The following MMP26 variants were observed in gnomAD, a reference collection of about 807,000 sequenced individuals.
MMP26 encodes matrix metallopeptidase 26.
Under a neutral mutation model 31.0 loss-of-function variants are expected in MMP26, and 33 were observed. That is an observed-to-expected ratio of 1.06 (90% CI 0.81 to 1.42). The LOEUF is 1.42. Ranked by LOEUF, MMP26 falls within the 40% of genes most tolerant of loss-of-function variation. The pLI is 0.00. For synonymous variants in MMP26, 122 were observed against 114.9 expected, an observed-to-expected ratio of 1.06 and a Z score of -0.40; for missense variants, 347 against 316.1, an observed-to-expected ratio of 1.10 and a Z score of -0.74.
At chr11:4,912,427 G>A (rs1851005710) in intron 2 of MMP26, among the ~76,000 whole-genome samples, 1 of 152,152 alleles carries the variant, frequency 6.6e-6, no homozygotes, top group Non-Finnish European at 1.5e-5. Context: ...GCACATCACA[G>A]AGAGAATCCA....
chr11:4,961,507 C>T (rs1457998408), intron 2 of MMP26, among the ~76,000 whole-genome samples: 1 of 152,178 alleles, frequency 6.6e-6, no homozygotes, highest in Non-Finnish European at 1.5e-5. Flanking sequence ...CAAGTTGACA[C>T]CTAAAATTAA....
chr11:4,735,947 T>C (rs1156697853), intron 1 of MMP26, among the ~76,000 whole-genome samples: 1 of 152,178 alleles, frequency 6.6e-6, no homozygotes, highest in Non-Finnish European at 1.5e-5. Flanking sequence ...ATTTTCATAA[T>C]ATTAAGATAT....
chr11:4,956,610 A>T (rs1367590811), intron 2 of MMP26, among the ~76,000 whole-genome samples: 2 of 152,194 alleles, frequency 1.3e-5, no homozygotes, highest in African/African-American at 2.4e-5. Flanking sequence ...TTGATTCTGC[A>T]TTCAAGGAAG....
intron 2 of MMP26, among the ~76,000 whole-genome samples, chr11:4,838,195 G>A (rs759203327): frequency 4.1e-4 from 61 of 150,544 alleles, no homozygotes; most frequent in Non-Finnish European, 7.5e-4. Flanking sequence ...GTGGGTGCCC[G>A]TAGTCCCAGC....
rs114248062 is a variant in MMP26, at chr11:4,714,995, G to A, written c.-217+9950G>A. Among the ~76,000 whole-genome samples the A allele has an allele frequency of 1.2e-3, 176 of 151,528 alleles. 1 individual carries two copies. Among genetic ancestry groups the A allele is most frequent in the African/African-American group, 3.4e-3 (141 of 41,248 alleles). On this transcript the variant is annotated intron_variant, in intron 1 of 7. Coordinates refer to ENST00000380390, the MANE Select transcript of MMP26 (RefSeq NM_021801.5). The stretch of plus-strand genomic sequence containing the variant: ...GTGAGAACACTGGAGAGCTCTGTGC[G>A]ATTCTTCCAGAAGCCACATATATAA...
intron 2 of MMP26, among the ~76,000 whole-genome samples, chr11:4,933,291 C>T (rs528436318): frequency 6.6e-6 from 1 of 152,136 alleles, no homozygotes; most frequent in Non-Finnish European, 1.5e-5. Flanking sequence ...ATACTATGGG[C>T]TACTCGATGT....
chr11:4,806,768 CAA>C (rs1849276000), intron 2 of MMP26, among the ~76,000 whole-genome samples: 1 of 152,134 alleles, frequency 6.6e-6, no homozygotes, highest in Non-Finnish European at 1.5e-5. Context: ...TAGGTTTGCT[CAA>C]AACAAATACT....
chr11:4,835,398 C>A (rs1457562774), intron 2 of MMP26, among the ~76,000 whole-genome samples: 2 of 150,490 alleles, frequency 1.3e-5, no homozygotes, highest in East Asian at 1.9e-4. Context: ...ATACTTTCTC[C>A]CCTCTGTGTG....
At chr11:4,882,153 G>A in intron 2 of MMP26, 4 of 1,613,862 alleles carry the variant, frequency 2.5e-6, no homozygotes, top group Non-Finnish European at 3.4e-6. Flanking sequence ...ACTGTGCTTG[G>A]TGTTCTCTGG....
intron 2 of MMP26, chr11:4,821,607 C>CTATTTCCT (rs758884652): frequency 5.6e-5 from 90 of 1,613,814 alleles, no homozygotes; most frequent in Non-Finnish European, 4.7e-5. Flanking sequence ...AGCCTATGTA[C>CTATTTCCT]TATTTCCTCT....
intron 2 of MMP26, chr11:4,769,142 C>A: frequency 1.2e-6 from 2 of 1,612,490 alleles, no homozygotes; most frequent in Non-Finnish European, 1.7e-6. Flanking sequence ...CAAGGACAGG[C>A]TCAGCATGTG....
rs549541455 is a variant in MMP26, at chr11:4,915,426, G to A, written c.-144-72642G>A. ...CCCAGGACTGTAGGGAGAGTGCAAA[G>A]GGAGAGACCCAGGTCAATCAGAGCC... On this transcript the variant is annotated intron_variant, in intron 2 of 7. Coordinates refer to ENST00000380390, the MANE Select transcript of MMP26 (RefSeq NM_021801.5). 4 of 1,614,066 alleles carry A rather than the reference G, an allele frequency of 2.5e-6. No individual in the cohort carries two copies. The South Asian group carries it at 3.3e-5, about 13-fold the overall frequency.
chr11:4,941,270 C>A (rs1032816720), intron 2 of MMP26, among the ~76,000 whole-genome samples: 3 of 152,176 alleles, frequency 2.0e-5, no homozygotes, highest in Non-Finnish European at 4.4e-5. Flanking sequence ...CATGGGCCAG[C>A]AACCACATAT....
intron 1 of MMP26, among the ~76,000 whole-genome samples, chr11:4,714,937 C>G (rs1379118236): frequency 1.3e-5 from 2 of 151,846 alleles, no homozygotes; most frequent in East Asian, 1.9e-4. Flanking sequence ...CACACACACA[C>G]ACACACACAC....
chr11:4,753,731 G>C (rs73393044), intron 1 of MMP26, among the ~76,000 whole-genome samples: 17,432 of 152,042 alleles, frequency 0.11, 2,319 homozygotes, highest in African/African-American at 0.33. Flanking sequence ...TTTTCAGTAA[G>C]TACATTTACC....
intron 2 of MMP26, among the ~76,000 whole-genome samples, chr11:4,828,318 T>C (rs1219104273): frequency 3.3e-5 from 5 of 152,130 alleles, no homozygotes; most frequent in Non-Finnish European, 7.4e-5. Flanking sequence ...CTTTTTATAT[T>C]GATTATCCTA....
intron 2 of MMP26, among the ~76,000 whole-genome samples, chr11:4,905,018 G>A (rs1410540445): frequency 6.6e-6 from 1 of 152,094 alleles, no homozygotes; most frequent in Admixed American, 6.6e-5. Context: ...AATAAAAAAT[G>A]CACTAGAGAT....
intron 2 of MMP26, among the ~76,000 whole-genome samples, chr11:4,966,269 G>T (rs191151902): frequency 6.6e-5 from 10 of 152,284 alleles, no homozygotes; most frequent in African/African-American, 9.6e-5. Flanking sequence ...GCAGTGATGG[G>T]CAGGAGGAGT....
chr11:4,738,104 A>T (rs1386541545), intron 1 of MMP26, among the ~76,000 whole-genome samples: 1 of 151,756 alleles, frequency 6.6e-6, no homozygotes, highest in African/African-American at 2.4e-5. Context: ...GGTTTTTTTT[A>T]AAACAAGAAT....
Sources: allele counts gnomAD v4.1 joint callset (sites outside exome capture counted in the v4.1 genomes callset), GRCh38; gene constraint gnomAD v4.1.1; transcripts MANE v1.5; gene names NCBI Gene and HGNC (gene_info 2026-07-23, HGNC 2026-07-21).